Variants in NPR3 observed in about 807,000 individuals in gnomAD.
NPR3 encodes atrial natriuretic peptide receptor 3.
Under a neutral mutation model 54.5 loss-of-function variants are expected in NPR3, and 34 were observed. The observed-to-expected ratio is 0.62, with a 90% CI of 0.47 to 0.83. NPR3 has a LOEUF of 0.83. Ranked by LOEUF, NPR3 falls within the 40% of genes least tolerant of loss-of-function variation. The pLI, the probability that NPR3 is intolerant of heterozygous loss-of-function variation, is 0.00. For synonymous variants in NPR3, 289 were observed against 297.1 expected (o/e 0.97, Z 0.28); for missense variants, 674 against 720.8 (o/e 0.94, Z 0.74).
At chr5:32,773,929 T>C (rs1172798163) in intron 3 of NPR3, among the ~76,000 whole-genome samples, 2 of 152,226 alleles carry the variant, frequency 1.3e-5, no homozygotes, top group Non-Finnish European at 1.5e-5. Context: ...AGAGATGAAG[T>C]GACTTCCCCA....
chr5:32,732,778 C>A (rs1739531147), intron 2 of NPR3, among the ~76,000 whole-genome samples: 1 of 152,130 alleles, frequency 6.6e-6, no homozygotes, highest in South Asian at 2.1e-4. Flanking sequence ...CTCTTCACAC[C>A]AAACCCTATG....
At chr5:32,707,891 A>G (rs1015329554), upstream of NPR3, among the ~76,000 whole-genome samples, 2 of 151,134 alleles carry the variant, frequency 1.3e-5, no homozygotes, top group Non-Finnish European at 3.0e-5. Context: ...GAAATAACAT[A>G]TAGACAGTAA....
At chr5:32,779,525 C>T (rs1320028067) in intron 4 of NPR3, among the ~76,000 whole-genome samples, 1 of 152,180 alleles carries the variant, frequency 6.6e-6, no homozygotes, top group African/African-American at 2.4e-5. Flanking sequence ...TCCCTTTGTC[C>T]ACATGGGCCA....
upstream of NPR3, chr5:32,710,722 G>C (rs574814864): frequency 6.5e-7 from 1 of 1,547,462 alleles, no homozygotes; most frequent in East Asian, 2.5e-5. Context: ...CGAGGGACCA[G>C]GAAGGTCAGG....
chr5:32,755,472 C>T lies in NPR3; in HGVS notation c.1059+16442C>T, dbSNP rs567683124. Reference sequence around the variant, plus strand: ...CCCATATATGCACCCTCCAGCACTCCGTGAGCTCCTTCTCTGGGTAAGGTA... The same window carrying T: ...CCCATATATGCACCCTCCAGCACTCTGTGAGCTCCTTCTCTGGGTAAGGTA... On this transcript the variant is annotated intron_variant, in intron 3 of 7. Coordinates refer to ENST00000265074, the MANE Select transcript of NPR3 (RefSeq NM_001204375.2). Among the ~76,000 whole-genome samples, 7 of 152,242 alleles carry T rather than the reference C, an allele frequency of 4.6e-5. No homozygotes were observed. In the South Asian group the frequency reaches 1.2e-3, roughly 27 times the overall value.
At chr5:32,692,772 A>G (rs1740425990) in intron 1 of NPR3, among the ~76,000 whole-genome samples, 1 of 152,230 alleles carries the variant, frequency 6.6e-6, no homozygotes. Flanking sequence ...AAAAGGGAAC[A>G]CACTGATTCT....
intron 3 of NPR3, among the ~76,000 whole-genome samples, chr5:32,748,286 T>C (rs1292767104): frequency 6.6e-6 from 1 of 152,204 alleles, no homozygotes; most frequent in Admixed American, 6.6e-5. Context: ...TATTGTTGAT[T>C]GTATCAGTAA....
intron 3 of NPR3, among the ~76,000 whole-genome samples, chr5:32,743,271 C>T (rs879669018): frequency 2.0e-5 from 3 of 152,120 alleles, no homozygotes; most frequent in Non-Finnish European, 4.4e-5. Context: ...TCCTTGTATA[C>T]GTTTCCCAGT....
intron 7 of NPR3, among the ~76,000 whole-genome samples, chr5:32,785,233 A>C (rs998868693): frequency 6.9e-6 from 1 of 145,242 alleles, no homozygotes; most frequent in East Asian, 2.0e-4. Context: ...GTTCACTGCA[A>C]CCTCCACCTC....
At chr5:32,763,592 A>T (rs1741288644) in intron 3 of NPR3, among the ~76,000 whole-genome samples, 1 of 151,582 alleles carries the variant, frequency 6.6e-6, no homozygotes, top group Admixed American at 6.6e-5. Context: ...GGGATTACAG[A>T]CCTGAGCCAT....
chr5:32,781,590 A>T (rs1447619975), intron 5 of NPR3, among the ~76,000 whole-genome samples: 1 of 152,098 alleles, frequency 6.6e-6, no homozygotes, highest in East Asian at 1.9e-4. Context: ...TTAATTATTT[A>T]TTTTTAATGA....
At chr5:32,732,809 CTATTT>C (rs1436686872) in intron 2 of NPR3, among the ~76,000 whole-genome samples, 1 of 152,076 alleles carries the variant, frequency 6.6e-6, no homozygotes, top group African/African-American at 2.4e-5. Flanking sequence ...GAAAAGACCT[CTATTT>C]TATTTTATTA....
chr5:32,692,482 A>G (rs555056049), intron 1 of NPR3, among the ~76,000 whole-genome samples: 60 of 152,222 alleles, frequency 3.9e-4, no homozygotes, highest in Admixed American at 1.6e-3. Context: ...GAATAGGAAC[A>G]ATGTCAGCTT....
At chr5:32,711,119 G>T (rs1372234555), upstream of NPR3, among the ~76,000 whole-genome samples, 1 of 152,038 alleles carries the variant, frequency 6.6e-6, no homozygotes, top group Non-Finnish European at 1.5e-5. Flanking sequence ...AGGGACAGGG[G>T]CGCGATGGGT....
chr5:32,712,574 G>T (rs1413766054), intron 1 of NPR3, 29 bp downstream of exon 1: 7 of 1,497,468 alleles, frequency 4.7e-6, no homozygotes, highest in Non-Finnish European at 6.2e-6. Flanking sequence ...CGGGCCCCGG[G>T]CCCTAACCCA....
intron 2 of NPR3, among the ~76,000 whole-genome samples, chr5:32,727,058 C>G (rs552787418): frequency 7.9e-5 from 12 of 152,278 alleles, no homozygotes; most frequent in African/African-American, 2.9e-4. Flanking sequence ...CATATTTATA[C>G]ATATATATTA....
At chr5:32,780,109 G>A (rs1742261349) in intron 4 of NPR3, among the ~76,000 whole-genome samples, 1 of 152,166 alleles carries the variant, frequency 6.6e-6, no homozygotes, top group Non-Finnish European at 1.5e-5. Context: ...ATTTATCTTT[G>A]CCTCAGCTGC....
In NPR3 at chr5:32,790,700, A is replaced by G. The variant is rs1742865133; in HGVS notation, c.*4355A>G. On this transcript the variant is annotated 3_prime_UTR_variant, in exon 8 of 8. Coordinates refer to ENST00000265074, the MANE Select transcript of NPR3 (RefSeq NM_001204375.2). ...TTGGAGTTTGTTCAAATTTCTCATT[A>G]ACCACTAATGTTAATTCATACCAAA... 6.0e-6 allele frequency: 1 copy of G among 166,740 alleles called. No individual in the cohort carries two copies. The highest frequency in any genetic ancestry group is 1.5e-5 in the Non-Finnish European group (1 of 68,126). The allele number at this position is 166,740 out of a possible 1,614,324, so 10.3% of individuals were successfully genotyped here.
At position 32,712,080 on chromosome 5, in the gene NPR3, G is replaced by A; in HGVS notation, c.304G>A (p.Ala102Thr). The stretch of plus-strand genomic sequence containing the variant: ...GCCGCCGGGCACTCGCTTCCAGGTG[G>A]CTTACGAGGATTCAGACTGTGGGAA... ...LLPPGTRFQVAYEDSDCGNRA... is the reference protein window; with the variant it reads ...LLPPGTRFQVTYEDSDCGNRA... The change falls in exon 1 of 8, where the codon GCT (alanine) becomes ACT (threonine). Residue 102 changes from alanine to threonine, a missense_variant. Coordinates refer to ENST00000265074, the MANE Select transcript of NPR3 (RefSeq NM_001204375.2). The A allele has an allele frequency of 6.2e-7, 1 of 1,613,860 alleles. No homozygotes were observed. The highest frequency in any genetic ancestry group is 8.5e-7 in the Non-Finnish European group (1 of 1,179,808).
Sources: gnomAD v4.1 joint callset for allele counts (sites outside exome capture counted in the v4.1 genomes callset) on GRCh38, gnomAD v4.1.1 for gene constraint, MANE v1.5 for transcripts, NCBI Gene and HGNC (gene_info 2026-07-23, HGNC 2026-07-21) for gene names.